The following SMARCD3 variants were observed in gnomAD, a reference collection of about 807,000 sequenced individuals.
SMARCD3 encodes the protein SWI/SNF-related matrix-associated actin-dependent regulator of chromatin subfamily D member 3.
SMARCD3 carries 14 observed loss-of-function variants against 58.0 expected under a neutral mutation model. That is an observed-to-expected ratio of 0.24 (90% CI 0.16 to 0.38). The LOEUF (loss-of-function observed/expected upper bound fraction) is 0.38, where lower values mean the gene tolerates loss of function less well. SMARCD3 is among the 10% of genes least tolerant of loss of function. The pLI is 1.00. For synonymous variants in SMARCD3, 253 were observed against 253.8 expected, an observed-to-expected ratio of 1.00 and a Z score of 0.03; for missense variants, 408 against 636.9, an observed-to-expected ratio of 0.64 and a Z score of 3.87.
At chr7:151,257,159 G>A (rs1803727145) in intron 2 of SMARCD3, among the ~76,000 whole-genome samples, 1 of 152,160 alleles carries the variant, frequency 6.6e-6, no homozygotes, top group Admixed American at 6.5e-5. Flanking sequence ...CCAAACTGCT[G>A]GCATTTTAGG....
At position 151,248,512 on chromosome 7, in the gene SMARCD3, T is replaced by C. The variant is rs1173695494; in HGVS notation, c.51A>G (p.Lys17=). 6.2e-7 allele frequency: 1 copy of C among 1,612,700 alleles called. No homozygotes were observed. The highest frequency in any genetic ancestry group is 8.5e-7 in the Non-Finnish European group (1 of 1,179,228). The change falls in exon 1 of 13, where the codon AAA becomes AAG. Residue 17 remains lysine, a synonymous_variant. Coordinates refer to ENST00000262188, the MANE Select transcript of SMARCD3 (RefSeq NM_001003801.2). This position sits in a 1 kb window ranked among gnomAD's most constrained non-coding sequence, Gnocchi z 6.1. ...AGGARKATKS[K]LFEFLVHGVR... ...CCCCATGGACCAGAAACTCAAAAAG[T>C]TTGCTTTTCGTGGCTTTGCGCGCCC... is the stretch of plus-strand genomic sequence containing the variant.
intron 2 of SMARCD3, among the ~76,000 whole-genome samples, chr7:151,265,616 G>A (rs749877597): frequency 2.7e-4 from 41 of 152,202 alleles, no homozygotes; most frequent in African/African-American, 8.0e-4. Context: ...TGGTTTGCCC[G>A]ATGAAAGCAA....
intron 2 of SMARCD3, among the ~76,000 whole-genome samples, chr7:151,244,420 A>C (rs1301685123): frequency 2.0e-5 from 3 of 151,810 alleles, no homozygotes; most frequent in Non-Finnish European, 2.9e-5. Context: ...TAACCCAAAA[A>C]CCCCCAGAAA....
At chr7:151,240,563 G>T in intron 8 of SMARCD3, 41 bp from the exon 9 acceptor site, 1 of 1,401,220 alleles carries the variant, frequency 7.1e-7, no homozygotes, top group Non-Finnish European at 1.0e-6. Flanking sequence ...CACTCTTCTT[G>T]AAGAGATCAT....
Position 151,243,380 on chromosome 7 carries a change from C to A in SMARCD3, c.333+279G>T, listed in dbSNP as rs1803094198. On this transcript the variant is annotated intron_variant, in intron 3 of 12. Transcript: ENST00000262188. The surrounding 1 kb of genome is among the most constrained non-coding windows in gnomAD (Gnocchi z 4.4). ...TCCCCTTCATTCTGCCTGGCAGCTT[C>A]TGATCCCCTAGCTCTTGCCCCCTCC... Among the ~76,000 whole-genome samples the A allele has an allele frequency of 6.6e-6, 1 of 152,194 alleles. No homozygotes were observed. Among genetic ancestry groups the A allele is most frequent in the Admixed American group, 6.5e-5 (1 of 15,288 alleles).
rs117181456 is a variant in SMARCD3, at chr7:151,240,850, G to A, written c.940-328C>T. 2.6e-3 allele frequency: 851 copies of A among 331,882 alleles called. 2 individuals carry two copies. Among genetic ancestry groups the A allele is most frequent in the Non-Finnish European group, 3.9e-3 (706 of 178,778 alleles). The allele number at this position is 331,882 out of a possible 1,614,324, so 20.6% of individuals were successfully genotyped here. A position where few individuals can be genotyped will look rare whatever the true frequency, so the allele number is the denominator to read the frequency against. On this transcript the variant is annotated intron_variant, in intron 8 of 12. Transcript: ENST00000262188. Reference sequence around the variant, plus strand: ...CTCAGTGTCTTCATCTCTAGAGTGGGGATGAAAAGAATACCTATCTCCCAG... The same window carrying A: ...CTCAGTGTCTTCATCTCTAGAGTGGAGATGAAAAGAATACCTATCTCCCAG...
In SMARCD3 at chr7:151,262,600, T is replaced by G. The variant is rs1803953225; in HGVS notation, c.39+12514A>C. On this transcript the variant is annotated intron_variant, in intron 2 of 13. Transcript: ENST00000356800. Reference sequence around the variant, plus strand: ...ACACCCATGACATGGCCTTTGCCCTTGAGACCTGGTGGTCATCGAGAAAGA... The same window carrying G: ...ACACCCATGACATGGCCTTTGCCCTGGAGACCTGGTGGTCATCGAGAAAGA... 2.0e-5 allele frequency among the ~76,000 whole-genome samples: 3 copies of G among 152,344 alleles called. No homozygotes were observed. In the South Asian group the frequency reaches 6.2e-4, roughly 32 times the overall value.
chr7:151,248,738 ACGCCGCCGCCGCCCGCCCGCCGCCGCCGC>A (rs1234925073), upstream of SMARCD3: 12 of 1,169,940 alleles, frequency 1.0e-5, no homozygotes, highest in Non-Finnish European at 1.2e-5. This position sits in a 1 kb window ranked among gnomAD's most constrained non-coding sequence, Gnocchi z 6.1. Flanking sequence ...CCCACGGCCC[ACGCCGCCGCCGCCCGCCCGCCGCCGCCGC>A]CGCCGCCGCG....
At position 151,242,390 on chromosome 7, in the gene SMARCD3, T is replaced by A; in HGVS notation, c.579+91A>T. The A allele has an allele frequency of 6.5e-7, 1 of 1,540,886 alleles. No homozygotes were observed. Among genetic ancestry groups the A allele is most frequent in the Non-Finnish European group, 8.9e-7 (1 of 1,122,842 alleles). On this transcript the variant is annotated intron_variant, in intron 5 of 12. Transcript: ENST00000262188. The surrounding 1 kb of genome is among the most constrained non-coding windows in gnomAD (Gnocchi z 4.7). ...GCCCCTCCACCCAGCCTGGGCTGAC[T>A]CCCTAGCCCTTAGTGCAGACACCTT...
In SMARCD3 at chr7:151,241,220, A is replaced by C; in HGVS notation, c.939+272T>G. The stretch of plus-strand genomic sequence containing the variant: ...GATCCTAACTCCAAGTGCCAAGAAT[A>C]TTACATTCCAGAAAGCGGTTGGCTT... On this transcript the variant is annotated intron_variant, in intron 8 of 12. Transcript: ENST00000262188. The surrounding 1 kb of genome is among the most constrained non-coding windows in gnomAD (Gnocchi z 5.3). 1 of 476,082 alleles carries C rather than the reference A, an allele frequency of 2.1e-6. No individual in the cohort carries two copies. The highest frequency in any genetic ancestry group is 3.9e-6 in the Non-Finnish European group (1 of 257,962). The allele number at this position is 476,082 out of a possible 1,614,324, so 29.5% of individuals were successfully genotyped here. A position where few individuals can be genotyped will look rare whatever the true frequency, so the allele number is the denominator to read the frequency against.
chr7:151,251,254 C>T (rs553636237), upstream of SMARCD3, among the ~76,000 whole-genome samples: 46 of 152,076 alleles, frequency 3.0e-4, no homozygotes, highest in Non-Finnish European at 6.2e-4. Flanking sequence ...CCTGAGCCAC[C>T]CCTCTGGGAG....
chr7:151,255,705 C>T (rs540953880), intron 2 of SMARCD3, among the ~76,000 whole-genome samples: 2 of 152,204 alleles, frequency 1.3e-5, no homozygotes, highest in African/African-American at 4.8e-5. Flanking sequence ...TTCCTCTTTC[C>T]AGTTCACCCT....
rs1802870205 is a variant in SMARCD3, at chr7:151,239,870, CCT to C, written c.1174-126_1174-125del. 9.1e-7 allele frequency: 1 copy of C among 1,098,250 alleles called. No homozygotes were observed. The highest frequency in any genetic ancestry group is 1.6e-5 in the African/African-American group (1 of 64,142). 68.0% of individuals were successfully genotyped at this position (1,098,250 alleles called of 1,614,324 possible). The stretch of plus-strand genomic sequence containing the variant: ...CTGTGAAGGACAACCCCTCAGAGCC[CCT>C]GATTTCTCTGAAGTCCCAGGGGAGG... On this transcript the variant is annotated intron_variant, in intron 10 of 12. Coordinates refer to ENST00000262188, the MANE Select transcript of SMARCD3 (RefSeq NM_001003801.2). This position sits in a 1 kb window ranked among gnomAD's most constrained non-coding sequence, Gnocchi z 7.0.
Position 151,245,141 on chromosome 7 carries a change from C to G in SMARCD3, c.290+319G>C, listed in dbSNP as rs1308055135. 1.3e-5 allele frequency among the ~76,000 whole-genome samples: 2 copies of G among 152,126 alleles called. No homozygotes were observed. Among genetic ancestry groups the G allele is most frequent in the Non-Finnish European group, 2.9e-5 (2 of 68,014 alleles). On this transcript the variant is annotated intron_variant, in intron 2 of 12. Transcript: ENST00000262188. The surrounding 1 kb of genome is among the most constrained non-coding windows in gnomAD (Gnocchi z 6.2). The stretch of plus-strand genomic sequence containing the variant: ...CCCACTGGAAGCCCCGCCCCCACCC[C>G]AAAGACTGAAGCATCACCCAGAACC...
At chr7:151,254,900 T>A (rs1406934111) in intron 2 of SMARCD3, among the ~76,000 whole-genome samples, 5 of 152,286 alleles carry the variant, frequency 3.3e-5, no homozygotes, top group Non-Finnish European at 4.4e-5. Context: ...AGTGAATAGT[T>A]AACAAAAAGT....
intron 2 of SMARCD3, among the ~76,000 whole-genome samples, chr7:151,258,272 A>C (rs1803769260): frequency 6.6e-6 from 1 of 152,098 alleles, no homozygotes; most frequent in Admixed American, 6.5e-5. Flanking sequence ...TTCTTTAAAA[A>C]GGGAGTCAGG....
Position 151,243,853 on chromosome 7 carries a change from T to C in SMARCD3, c.291-152A>G. 1 of 734,654 alleles carries C rather than the reference T, an allele frequency of 1.4e-6. No homozygotes were observed. Among genetic ancestry groups the C allele is most frequent in the African/African-American group, 1.7e-5 (1 of 58,564 alleles). 45.5% of individuals were successfully genotyped at this position (734,654 alleles called of 1,614,324 possible). On this transcript the variant is annotated intron_variant, in intron 2 of 12. Transcript: ENST00000262188. This position sits in a 1 kb window ranked among gnomAD's most constrained non-coding sequence, Gnocchi z 4.4. ...CCGCCCAAGGGCTGTGACGGTGGTG[T>C]GTGGAACCGGTGCTCTGTCCTCTCT...
At chr7:151,244,890 G>A (rs945760730) in intron 2 of SMARCD3, among the ~76,000 whole-genome samples, 2 of 152,214 alleles carry the variant, frequency 1.3e-5, no homozygotes, top group African/African-American at 4.8e-5. Flanking sequence ...GAAATGGGCT[G>A]GCCCTGGTGG....
intron 1 of SMARCD3, among the ~76,000 whole-genome samples, chr7:151,247,586 GT>G (rs1803329145): frequency 6.6e-6 from 1 of 152,134 alleles, no homozygotes. Flanking sequence ...CTTCCTTGGG[GT>G]CACAACCAAA....
Sources: allele counts gnomAD v4.1 joint callset (sites outside exome capture counted in the v4.1 genomes callset), GRCh38; gene constraint gnomAD v4.1.1; non-coding constraint Gnocchi (gnomAD v3.1); transcripts MANE v1.5; gene names NCBI Gene and HGNC (gene_info 2026-07-23, HGNC 2026-07-21).